MYO16: variants seen among roughly 807,000 people sequenced by gnomAD.
The protein encoded by MYO16 is myosin XVI.
A neutral mutation model predicts 205.3 loss-of-function variants in MYO16; 94 were observed. That is an observed-to-expected ratio of 0.46 (90% CI 0.39 to 0.54). The LOEUF (loss-of-function observed/expected upper bound fraction) is 0.54, where lower values mean the gene tolerates loss of function less well. MYO16 is among the 20% of genes least tolerant of loss of function. The probability of loss-of-function intolerance (pLI) is 0.00; values close to 1 mark genes in which losing one functional copy is unlikely to be tolerated. For synonymous variants in MYO16, 988 were observed against 954.0 expected, an observed-to-expected ratio of 1.04 and a Z score of -0.66; for missense variants, 2,315 against 2,387.5, an observed-to-expected ratio of 0.97 and a Z score of 0.63.
At chr13:108,720,361 A>C (rs1349413027) in intron 3 of MYO16, among the ~76,000 whole-genome samples, 2 of 152,192 alleles carry the variant, frequency 1.3e-5, no homozygotes, top group African/African-American at 4.8e-5. Flanking sequence ...AATTGCAATA[A>C]ATTTAAATTT....
intron 20 of MYO16, among the ~76,000 whole-genome samples, chr13:108,990,770 C>G (rs1411194820): frequency 6.6e-6 from 1 of 151,746 alleles, no homozygotes; most frequent in Non-Finnish European, 1.5e-5. Context: ...TATATTCTAC[C>G]ATATATAACA....
chr13:109,130,653 A>C (rs1198568693), intron 31 of MYO16, among the ~76,000 whole-genome samples: 1 of 152,168 alleles, frequency 6.6e-6, no homozygotes, highest in Admixed American at 6.5e-5. Flanking sequence ...AGGTAGCTCC[A>C]CCCACACGTG....
chr13:109,023,266 GATATAAATATATATATTTATATATTATA>G (rs1886166881), intron 23 of MYO16, among the ~76,000 whole-genome samples: 3 of 78,440 alleles, frequency 3.8e-5, no homozygotes, highest in Non-Finnish European at 6.5e-5. Context: ...ATATTATACA[GATATAAATATATATATTTATATATTATA>G]CAGATATAAA....
rs1877120691 is a variant in MYO16, at chr13:109,141,948, C to G, written c.5164+572C>G. On this transcript the variant is annotated intron_variant, in intron 32 of 34. Coordinates refer to ENST00000457511, the MANE Select transcript of MYO16 (RefSeq NM_001198950.3). This position sits in a 1 kb window ranked among gnomAD's most constrained non-coding sequence, Gnocchi z 4.1. ...GTATGCCATCCAAGGAGCACTCTAA[C>G]GCAGCCCCGTTATCTGTGTTTTCTC... Among the ~76,000 whole-genome samples the G allele has an allele frequency of 6.6e-6, 1 of 152,190 alleles. No homozygotes were observed. Among genetic ancestry groups the G allele is most frequent in the Admixed American group, 6.5e-5 (1 of 15,282 alleles).
intron 1 of MYO16, among the ~76,000 whole-genome samples, chr13:108,630,848 T>A (rs1879949812): frequency 1.3e-5 from 2 of 152,212 alleles, no homozygotes; most frequent in African/African-American, 4.8e-5. Flanking sequence ...TATTTACCTT[T>A]CTCTTATTTT....
At chr13:108,760,823 C>A (rs1214767981) in intron 4 of MYO16, among the ~76,000 whole-genome samples, 2 of 152,098 alleles carry the variant, frequency 1.3e-5, no homozygotes, top group African/African-American at 2.4e-5. Flanking sequence ...TCTCTCCCAC[C>A]CTTCCCAGCC....
At chr13:108,971,805 A>G (rs1884023197) in intron 20 of MYO16, among the ~76,000 whole-genome samples, 1 of 152,050 alleles carries the variant, frequency 6.6e-6, no homozygotes, top group Non-Finnish European at 1.5e-5. Context: ...CCAGGTTACA[A>G]AAACTTGTTT....
In MYO16 at chr13:108,640,646, C is replaced by T. The variant is rs371906695; in HGVS notation, c.28+10774C>T. On this transcript the variant is annotated intron_variant, in intron 1 of 34. Coordinates refer to ENST00000457511, the MANE Select transcript of MYO16 (RefSeq NM_001198950.3). The stretch of plus-strand genomic sequence containing the variant: ...CTATCCTTTCACATTCACCCTCTGC[C>T]GGTGGTCCAAAGCCCTCAACAATTT... 4.6e-5 allele frequency among the ~76,000 whole-genome samples: 7 copies of T among 152,022 alleles called. No homozygotes were observed. The East Asian group carries it at 5.8e-4, about 13-fold the overall frequency.
In MYO16 at chr13:108,861,090, A is replaced by G. The variant is rs182263591; in HGVS notation, c.1360-5087A>G. On this transcript the variant is annotated intron_variant, in intron 11 of 34. Coordinates refer to ENST00000457511, the MANE Select transcript of MYO16 (RefSeq NM_001198950.3). ...TGTTGTATTAAATAACGACAAACAA[A>G]CAAGGTAATATACAACTCATTAATA... 2.2e-3 allele frequency among the ~76,000 whole-genome samples: 332 copies of G among 152,286 alleles called. 1 individual carries two copies. The highest frequency in any genetic ancestry group is 7.5e-3 in the African/African-American group (313 of 41,570).
chr13:108,958,379 A>G (rs574185054), intron 17 of MYO16, among the ~76,000 whole-genome samples: 1 of 151,952 alleles, frequency 6.6e-6, no homozygotes, highest in African/African-American at 2.4e-5. Context: ...TAACATAATC[A>G]CCTTGTTAAA....
At chr13:108,843,902 G>A (rs401952) in intron 9 of MYO16, among the ~76,000 whole-genome samples, 89,403 of 151,778 alleles carry the variant, frequency 0.59, 27,694 homozygotes, top group Middle Eastern at 0.73. Flanking sequence ...CAAACTTGAA[G>A]TTTTGCCCAT....
intron 16 of MYO16, among the ~76,000 whole-genome samples, chr13:108,928,740 A>C (rs781093888): frequency 6.6e-6 from 1 of 152,228 alleles, no homozygotes; most frequent in Non-Finnish European, 1.5e-5. Flanking sequence ...TTTTCTTTTC[A>C]GCTTAAAATG....
chr13:108,680,198 C>T (rs189582321), intron 2 of MYO16, among the ~76,000 whole-genome samples: 4 of 152,322 alleles, frequency 2.6e-5, no homozygotes, highest in Non-Finnish European at 1.5e-5. Flanking sequence ...ACAGCGGGCT[C>T]CATGAGAGCA....
At chr13:108,892,530 T>A (rs1880221325) in intron 14 of MYO16, among the ~76,000 whole-genome samples, 1 of 152,204 alleles carries the variant, frequency 6.6e-6, no homozygotes, top group East Asian at 1.9e-4. Flanking sequence ...CATGAGCCAC[T>A]GCACCTGGCC....
At chr13:108,808,341 CT>C (rs1555300986) in intron 7 of MYO16, among the ~76,000 whole-genome samples, 4 of 147,924 alleles carry the variant, frequency 2.7e-5, no homozygotes, top group East Asian at 2.0e-4. Context: ...ATAGAACCTT[CT>C]TTTTTTTTGC....
At chr13:108,674,858 T>C (rs1453115145) in intron 2 of MYO16, among the ~76,000 whole-genome samples, 1 of 152,146 alleles carries the variant, frequency 6.6e-6, no homozygotes, top group Non-Finnish European at 1.5e-5. Flanking sequence ...GTAGAGCAAA[T>C]ATAAAATATC....
intron 1 of MYO16, among the ~76,000 whole-genome samples, chr13:108,608,577 G>A (rs978218362): frequency 6.6e-6 from 1 of 151,774 alleles, no homozygotes; most frequent in South Asian, 2.1e-4. Flanking sequence ...ATACACACAC[G>A]CATACATATA....
intron 6 of MYO16, 36 bp downstream of exon 6, chr13:108,793,676 T>A (rs1362916669): frequency 6.3e-7 from 1 of 1,579,302 alleles, no homozygotes; most frequent in African/African-American, 1.3e-5. Context: ...ACTATTTGAA[T>A]AGAGAATTTA....
At chr13:108,759,831 A>G (rs1885546939) in intron 4 of MYO16, among the ~76,000 whole-genome samples, 2 of 152,188 alleles carry the variant, frequency 1.3e-5, no homozygotes, top group African/African-American at 4.8e-5. Context: ...AAAAAAAAAA[A>G]AAAAAATCTG....
Sources: gnomAD v4.1 joint callset for allele counts (sites outside exome capture counted in the v4.1 genomes callset) on GRCh38, gnomAD v4.1.1 for gene constraint, Gnocchi (gnomAD v3.1) non-coding constraint, MANE v1.5 for transcripts, NCBI Gene and HGNC (gene_info 2026-07-23, HGNC 2026-07-21) for gene names.